Variants in PTPRG observed in about 807,000 individuals in gnomAD.
PTPRG encodes receptor-type tyrosine-protein phosphatase gamma.
In PTPRG, 102 loss-of-function variants were observed where a neutral mutation model predicts 165.3. That is an observed-to-expected ratio of 0.62 (90% CI 0.53 to 0.73). PTPRG has a LOEUF of 0.73. Ranked by LOEUF, PTPRG falls within the 30% of genes least tolerant of loss-of-function variation. PTPRG has a pLI of 0.00. For synonymous variants in PTPRG, 675 were observed against 669.5 expected (o/e 1.01, Z -0.13); for missense variants, 1,866 against 1,861.4 (o/e 1.00, Z -0.05).
intron 8 of PTPRG, among the ~76,000 whole-genome samples, chr3:62,169,066 A>G (rs1050549934): frequency 4.0e-5 from 6 of 151,824 alleles, no homozygotes; most frequent in Admixed American, 3.9e-4. Context: ...CTTCTATTCT[A>G]TCCCTCTCGT....
chr3:61,783,004 C>A (rs1231702250), intron 2 of PTPRG, among the ~76,000 whole-genome samples: 1 of 151,966 alleles, frequency 6.6e-6, no homozygotes, highest in Non-Finnish European at 1.5e-5. Flanking sequence ...TGGGGACTCA[C>A]TATGTTGTCC....
chr3:61,878,655 G>A (rs562339864), intron 2 of PTPRG, among the ~76,000 whole-genome samples: 60 of 151,970 alleles, frequency 3.9e-4, no homozygotes, highest in Non-Finnish European at 8.2e-4. Context: ...TACCATGCCT[G>A]GCTAAGCTTA....
chr3:62,256,782 A>C (rs540795154), intron 16 of PTPRG, among the ~76,000 whole-genome samples: 40 of 152,328 alleles, frequency 2.6e-4, no homozygotes, highest in African/African-American at 9.6e-4. Context: ...AGTGCTATTC[A>C]TCACAGCTGG....
rs536956262 is a variant in PTPRG, at chr3:61,776,302, G to C, written c.190+27320G>C. On this transcript the variant is annotated intron_variant, in intron 2 of 29. Coordinates refer to ENST00000474889, the MANE Select transcript of PTPRG (RefSeq NM_002841.4). The stretch of plus-strand genomic sequence containing the variant: ...TTGGGTGAGTGAGACCTATGAGCTT[G>C]ACTTACTTCCTTAAAGGTTAGATGA... Among the ~76,000 whole-genome samples the C allele has an allele frequency of 7.9e-5, 12 of 152,172 alleles. No individual in the cohort carries two copies. In the South Asian group the frequency reaches 2.5e-3, roughly 32 times the overall value.
At chr3:61,725,340 G>C (rs2032212657) in intron 1 of PTPRG, among the ~76,000 whole-genome samples, 1 of 152,036 alleles carries the variant, frequency 6.6e-6, no homozygotes, top group South Asian at 2.1e-4. Context: ...CTGATCTGGA[G>C]CTCCTGACCT....
intron 2 of PTPRG, among the ~76,000 whole-genome samples, chr3:61,852,774 C>T (rs2037000311): frequency 6.6e-6 from 1 of 152,158 alleles, no homozygotes; most frequent in Non-Finnish European, 1.5e-5. Context: ...TGTGTGAAAG[C>T]ACCATGCAAC....
rs556842729 is a variant in PTPRG, at chr3:62,255,814, A to C, written c.2559+599A>C. On this transcript the variant is annotated intron_variant, in intron 16 of 29. Transcript: ENST00000474889. This position sits in a 1 kb window ranked among gnomAD's most constrained non-coding sequence, Gnocchi z 4.0. Reference sequence around the variant, plus strand: ...GTTGACTGTTGTTGTTTTCATGATTATTAATCCTTGGAGAGAAGACTTGGG... The same window carrying C: ...GTTGACTGTTGTTGTTTTCATGATTCTTAATCCTTGGAGAGAAGACTTGGG... Among the ~76,000 whole-genome samples the C allele has an allele frequency of 1.3e-5, 2 of 152,214 alleles. No individual in the cohort carries two copies. Among genetic ancestry groups the C allele is most frequent in the South Asian group, 4.1e-4 (2 of 4,832 alleles).
chr3:61,567,611 T>C (rs1699944620), intron 1 of PTPRG, among the ~76,000 whole-genome samples: 1 of 146,890 alleles, frequency 6.8e-6, no homozygotes, highest in Non-Finnish European at 1.5e-5. Context: ...GGCCGCAGTG[T>C]ACTGTGATCA....
Position 61,604,483 on chromosome 3 carries a change from A to G in PTPRG, c.85+42111A>G, listed in dbSNP as rs1012143540. Among the ~76,000 whole-genome samples the G allele has an allele frequency of 2.0e-5, 3 of 152,174 alleles. No homozygotes were observed. The East Asian group carries it at 5.8e-4, about 29-fold the overall frequency. The stretch of plus-strand genomic sequence containing the variant: ...AGCTCAGATCATACAAATAAACATT[A>G]AAGGCCCATATGTCTAAGAACTTTA... On this transcript the variant is annotated intron_variant, in intron 1 of 29. Coordinates refer to ENST00000474889, the MANE Select transcript of PTPRG (RefSeq NM_002841.4).
At chr3:61,947,173 C>G (rs1333606068) in intron 2 of PTPRG, among the ~76,000 whole-genome samples, 1 of 152,294 alleles carries the variant, frequency 6.6e-6, no homozygotes, top group East Asian at 1.9e-4. Flanking sequence ...TGATCCCATG[C>G]TAATTTGTGG....
intron 4 of PTPRG, among the ~76,000 whole-genome samples, chr3:62,040,057 TAA>T (rs1463695003): frequency 1.3e-5 from 2 of 152,252 alleles, no homozygotes; most frequent in Non-Finnish European, 2.9e-5. Context: ...CAACCAGCTC[TAA>T]GTCTTTAATA....
chr3:61,561,997 C>T lies in PTPRG; in HGVS notation c.-291C>T, dbSNP rs1699766885. On this transcript the variant is annotated 5_prime_UTR_variant, in exon 1 of 30. Transcript: ENST00000474889. ...CCGGGGCATCGCCGCCGGCCGCCGA[C>T]TCCGCGCCCTGCCCGATCGGCTCTC... The T allele has an allele frequency of 3.7e-6, 1 of 270,928 alleles. No homozygotes were observed. Among genetic ancestry groups the T allele is most frequent in the Non-Finnish European group, 6.8e-6 (1 of 146,024 alleles). The allele number at this position is 270,928 out of a possible 1,614,324, so 16.8% of individuals were successfully genotyped here.
chr3:62,119,643 CAG>C (rs1464122050), intron 5 of PTPRG, among the ~76,000 whole-genome samples: 1 of 151,388 alleles, frequency 6.6e-6, no homozygotes, highest in African/African-American at 2.4e-5. Flanking sequence ...TATTTTGAGA[CAG>C]AGTCTTGCTT....
chr3:61,907,537 A>G (rs17065585), intron 2 of PTPRG, among the ~76,000 whole-genome samples: 1,808 of 152,288 alleles, frequency 0.012, 27 homozygotes, highest in African/African-American at 0.041. Flanking sequence ...TATGAGCAAA[A>G]CCCTGTGCTG....
chr3:61,773,174 A>T (rs1033571518), intron 2 of PTPRG, among the ~76,000 whole-genome samples: 2 of 152,218 alleles, frequency 1.3e-5, no homozygotes, highest in Non-Finnish European at 2.9e-5. Context: ...AATGTATGCA[A>T]TAAATTATTT....
At chr3:61,890,154 G>T (rs1419590568) in intron 2 of PTPRG, among the ~76,000 whole-genome samples, 3 of 150,760 alleles carry the variant, frequency 2.0e-5, no homozygotes, top group Admixed American at 6.5e-5. Context: ...CAGTCTGAAG[G>T]TCAGACTTGA....
intron 2 of PTPRG, among the ~76,000 whole-genome samples, chr3:61,804,749 C>T (rs1284920903): frequency 6.6e-6 from 1 of 151,060 alleles, no homozygotes; most frequent in Non-Finnish European, 1.5e-5. Context: ...AAACATTAAA[C>T]AAAAGTTCAC....
chr3:61,915,278 C>T (rs1427526163), intron 2 of PTPRG, among the ~76,000 whole-genome samples: 3 of 152,036 alleles, frequency 2.0e-5, no homozygotes, highest in African/African-American at 7.3e-5. Context: ...GATTTTGAAA[C>T]TTATCTTAAG....
chr3:62,078,812 T>G (rs994270257), intron 5 of PTPRG, among the ~76,000 whole-genome samples: 1 of 152,220 alleles, frequency 6.6e-6, no homozygotes, highest in East Asian at 1.9e-4. Context: ...TCAGTGTTGA[T>G]TCTGCACCTA....
Sources: allele counts gnomAD v4.1 joint callset (sites outside exome capture counted in the v4.1 genomes callset), GRCh38; gene constraint gnomAD v4.1.1; non-coding constraint Gnocchi (gnomAD v3.1); transcripts MANE v1.5; gene names NCBI Gene and HGNC (gene_info 2026-07-23, HGNC 2026-07-21).